Variants in JAKMIP1 observed in about 807,000 individuals in gnomAD.
JAKMIP1 encodes the protein janus kinase and microtubule interacting protein 1, also known as janus kinase and microtubule-interacting protein 1.
A neutral mutation model predicts 113.0 loss-of-function variants in JAKMIP1; 33 were observed. The ratio of observed to expected loss-of-function variants is 0.29; its 90% CI spans 0.22 to 0.39. The LOEUF is 0.39. Ranked by LOEUF, JAKMIP1 falls within the 10% of genes least tolerant of loss-of-function variation. The pLI, the probability that JAKMIP1 is intolerant of heterozygous loss-of-function variation, is 1.00. For synonymous variants in JAKMIP1, 480 were observed against 459.9 expected (o/e 1.04, Z -0.56); for missense variants, 813 against 1,080.5 (o/e 0.75, Z 3.47).
At chr4:6,161,027 C>T (rs1189895788) in intron 1 of JAKMIP1, among the ~76,000 whole-genome samples, 1 of 150,262 alleles carries the variant, frequency 6.7e-6, no homozygotes, top group African/African-American at 2.5e-5. Context: ...CACTCACCTC[C>T]CTGACCTCCA....
rs1434573119 is a variant in JAKMIP1, at chr4:6,042,781, A to C, written c.2029-554T>G. Among the ~76,000 whole-genome samples, 1 of 152,074 alleles carries C rather than the reference A, an allele frequency of 6.6e-6. No individual in the cohort carries two copies. The highest frequency in any genetic ancestry group is 1.5e-5 in the Non-Finnish European group (1 of 68,016). On this transcript the variant is annotated intron_variant, in intron 16 of 20. Coordinates refer to ENST00000409021, the MANE Select transcript of JAKMIP1 (RefSeq NM_001099433.2). This position sits in a 1 kb window ranked among gnomAD's most constrained non-coding sequence, Gnocchi z 5.2. Reference sequence around the variant, plus strand: ...AGCAACGTGAGTTGGAGCAGCCCAGAGTGCCTGGTGCCACCATGAGAGGAG... The same window carrying C: ...AGCAACGTGAGTTGGAGCAGCCCAGCGTGCCTGGTGCCACCATGAGAGGAG...
At chr4:6,159,380 G>C (rs1263288509) in intron 1 of JAKMIP1, among the ~76,000 whole-genome samples, 1 of 151,902 alleles carries the variant, frequency 6.6e-6, no homozygotes, top group Non-Finnish European at 1.5e-5. Flanking sequence ...TACAGCAAAA[G>C]CATCATCATA....
At chr4:6,195,442 G>A (rs914081066) in intron 1 of JAKMIP1, among the ~76,000 whole-genome samples, 1 of 152,132 alleles carries the variant, frequency 6.6e-6, no homozygotes, top group Admixed American at 6.5e-5. Context: ...CATTAACCAT[G>A]ATGAAAAAAT....
rs1021974020 is a variant in JAKMIP1, at chr4:6,199,407, A to C, written c.-148+846T>G. Among the ~76,000 whole-genome samples the C allele has an allele frequency of 2.6e-5, 4 of 152,080 alleles. No individual in the cohort carries two copies. The highest frequency in any genetic ancestry group is 9.7e-5 in the African/African-American group (4 of 41,426). ...TGCTCAGGAGCCCACAGCAGGGGGG[A>C]TGGAGCGAAGGACCGAGGGGCTGGG... On this transcript the variant is annotated intron_variant, in intron 1 of 20. Transcript: ENST00000409021. This position sits in a 1 kb window ranked among gnomAD's most constrained non-coding sequence, Gnocchi z 5.6.
At chr4:6,128,467 G>A (rs1325472600) in intron 1 of JAKMIP1, among the ~76,000 whole-genome samples, 4 of 152,150 alleles carry the variant, frequency 2.6e-5, no homozygotes, top group Admixed American at 6.5e-5. Flanking sequence ...GGGAGGGAAG[G>A]GGAGTCTTTA....
In JAKMIP1 at chr4:6,115,695, G is replaced by A. The variant is rs371293018; in HGVS notation, c.-147-2698C>T. ...CAATGACTGCTTTTAAGAGGAAACA[G>A]TGCAGTTTTTTCGTTTTGTTTTGTT... On this transcript the variant is annotated intron_variant, in intron 1 of 20. Transcript: ENST00000409021. Among the ~76,000 whole-genome samples, 17 of 152,232 alleles carry A rather than the reference G, an allele frequency of 1.1e-4. 1 individual carries two copies. The highest frequency in any genetic ancestry group is 7.7e-4 in the East Asian group (4 of 5,188).
intron 3 of JAKMIP1, among the ~76,000 whole-genome samples, chr4:6,091,041 C>T (rs1472276471): frequency 6.6e-6 from 1 of 152,244 alleles, no homozygotes; most frequent in Non-Finnish European, 1.5e-5. Context: ...AGCCTTCTTG[C>T]ATTTCTAATC....
rs1714299872 is a variant in JAKMIP1, at chr4:6,108,272, C to T, written c.130-2305G>A. Among the ~76,000 whole-genome samples the T allele has an allele frequency of 6.6e-6, 1 of 152,066 alleles. No individual in the cohort carries two copies. Among genetic ancestry groups the T allele is most frequent in the African/African-American group, 2.4e-5 (1 of 41,422 alleles). ...GGGGTGACCTCTGATGGGCACAGAG[C>T]ACTCCCTCCCACCACCACTCCATCC... On this transcript the variant is annotated intron_variant, in intron 2 of 20. Transcript: ENST00000409021. This position sits in a 1 kb window ranked among gnomAD's most constrained non-coding sequence, Gnocchi z 5.6.
chr4:6,109,800 T>C (rs1185653563), intron 2 of JAKMIP1, among the ~76,000 whole-genome samples: 1 of 152,152 alleles, frequency 6.6e-6, no homozygotes, highest in Non-Finnish European at 1.5e-5. Flanking sequence ...TGTGAGATCA[T>C]ATCAAAGTAA....
In JAKMIP1 at chr4:6,108,699, A is replaced by C. The variant is rs549466799; in HGVS notation, c.130-2732T>G. ...TAAATCTCATGGGTACCAGTTCACT[A>C]CTCTGAAACCATCATACATGTATAG... On this transcript the variant is annotated intron_variant, in intron 2 of 20. Coordinates refer to ENST00000409021, the MANE Select transcript of JAKMIP1 (RefSeq NM_001099433.2). The surrounding 1 kb of genome is among the most constrained non-coding windows in gnomAD (Gnocchi z 5.6). 3.3e-5 allele frequency among the ~76,000 whole-genome samples: 5 copies of C among 152,238 alleles called. No individual in the cohort carries two copies. Among genetic ancestry groups the C allele is most frequent in the African/African-American group, 1.2e-4 (5 of 41,534 alleles).
chr4:6,134,412 C>G (rs1333010641), intron 1 of JAKMIP1, among the ~76,000 whole-genome samples: 1 of 152,188 alleles, frequency 6.6e-6, no homozygotes, highest in Non-Finnish European at 1.5e-5. Flanking sequence ...CCTCATCAAA[C>G]CTGACTGATG....
At chr4:6,060,775 G>A (rs958306157) in intron 10 of JAKMIP1, among the ~76,000 whole-genome samples, 2 of 152,250 alleles carry the variant, frequency 1.3e-5, no homozygotes, top group Non-Finnish European at 2.9e-5. Flanking sequence ...ATGAAGCCTG[G>A]AGAAGGGACC....
At chr4:6,170,943 C>G (rs1036925914) in intron 1 of JAKMIP1, among the ~76,000 whole-genome samples, 1 of 149,088 alleles carries the variant, frequency 6.7e-6, no homozygotes, top group Non-Finnish European at 1.5e-5. Context: ...ACCACCACCA[C>G]CAGCATCCCC....
chr4:6,145,189 G>A (rs530010673), intron 1 of JAKMIP1, among the ~76,000 whole-genome samples: 2 of 152,134 alleles, frequency 1.3e-5, no homozygotes, highest in Admixed American at 6.5e-5. Flanking sequence ...ATAATGAATC[G>A]TAGAAACAGC....
rs867347836 is a variant in JAKMIP1 at position 6,170,542 on chromosome 4, A to G, written c.-148+29711T>C. ...CACCACCATTATCACCACCACCACCACCTCCATCACCATCACCACCACCAC... is the reference window on the plus strand; with the variant it reads ...CACCACCATTATCACCACCACCACCGCCTCCATCACCATCACCACCACCAC... On this transcript the variant is annotated intron_variant, in intron 1 of 20. Coordinates refer to ENST00000409021, the MANE Select transcript of JAKMIP1 (RefSeq NM_001099433.2). Among the ~76,000 whole-genome samples, 6 of 146,946 alleles carry G rather than the reference A, an allele frequency of 4.1e-5. No homozygotes were observed. In the South Asian group the frequency reaches 6.6e-4, roughly 16 times the overall value.
intron 1 of JAKMIP1, among the ~76,000 whole-genome samples, chr4:6,144,675 C>G (rs1720601433): frequency 6.6e-6 from 1 of 152,150 alleles, no homozygotes; most frequent in African/African-American, 2.4e-5. Context: ...CAAAATCCAC[C>G]AGCCTTTCAT....
chr4:6,165,972 C>A (rs902020096), intron 1 of JAKMIP1, among the ~76,000 whole-genome samples: 2 of 152,206 alleles, frequency 1.3e-5, no homozygotes, highest in South Asian at 2.1e-4. Flanking sequence ...TGAGGGCTGC[C>A]GGCATTTCTG....
chr4:6,026,204 C>T lies in JAKMIP1; in HGVS notation c.*24G>A, dbSNP rs755687589. 9 of 1,546,798 alleles carry T rather than the reference C, an allele frequency of 5.8e-6. No homozygotes were observed. Among genetic ancestry groups the T allele is most frequent in the African/African-American group, 1.4e-5 (1 of 72,606 alleles). Reference sequence around the variant, plus strand: ...CTGCGAAAAGGAAAGGATACCAACCCGAGTTCTTGGCTCACTGAAGTCATC... The same window carrying T: ...CTGCGAAAAGGAAAGGATACCAACCTGAGTTCTTGGCTCACTGAAGTCATC... On this transcript the variant is annotated 3_prime_UTR_variant, in exon 21 of 21. Coordinates refer to ENST00000409021, the MANE Select transcript of JAKMIP1 (RefSeq NM_001099433.2).
In JAKMIP1 at chr4:6,156,783, C is replaced by T. The variant is rs1232130471; in HGVS notation, c.-148+43470G>A. ...TCCCAGCTCCACTGTCCCCAGATGT[C>T]TGGTCTTGGGAATCTCATGGCCACA... On this transcript the variant is annotated intron_variant, in intron 1 of 20. Transcript: ENST00000409021. The surrounding 1 kb of genome is among the most constrained non-coding windows in gnomAD (Gnocchi z 5.0). Among the ~76,000 whole-genome samples the T allele has an allele frequency of 1.3e-5, 2 of 152,352 alleles. No individual in the cohort carries two copies. Among genetic ancestry groups the T allele is most frequent in the Admixed American group, 6.5e-5 (1 of 15,304 alleles).
Sources: gnomAD v4.1 joint callset for allele counts (sites outside exome capture counted in the v4.1 genomes callset) on GRCh38, gnomAD v4.1.1 for gene constraint, Gnocchi (gnomAD v3.1) non-coding constraint, MANE v1.5 for transcripts, NCBI Gene and HGNC (gene_info 2026-07-23, HGNC 2026-07-21) for gene names.